The following LRFN5 variants were observed in gnomAD, a reference collection of about 807,000 sequenced individuals.
LRFN5 encodes the protein leucine-rich repeat and fibronectin type-III domain-containing protein 5.
A neutral mutation model predicts 45.6 loss-of-function variants in LRFN5; 24 were observed. That is an observed-to-expected ratio of 0.53 (90% CI 0.38 to 0.74). The LOEUF (loss-of-function observed/expected upper bound fraction) is 0.74. Ranked by LOEUF, LRFN5 falls within the 30% of genes least tolerant of loss-of-function variation. LRFN5 has a pLI of 0.00. For missense variants in LRFN5, 776 were observed against 861.5 expected, an observed-to-expected ratio of 0.90 and a Z score of 1.24; for synonymous variants, 340 against 313.8, an observed-to-expected ratio of 1.08 and a Z score of -0.88.
chr14:41,811,526 A>C (rs768001483), intron 2 of LRFN5, among the ~76,000 whole-genome samples: 5 of 152,132 alleles, frequency 3.3e-5, no homozygotes, highest in Non-Finnish European at 5.9e-5. Flanking sequence ...AACCCAGGGA[A>C]CTATCAACTG....
chr14:41,619,498 A>T (rs1888042363), intron 1 of LRFN5, among the ~76,000 whole-genome samples: 1 of 152,012 alleles, frequency 6.6e-6, no homozygotes. Flanking sequence ...TGTCATATTC[A>T]CTTAAATATT....
At chr14:41,879,092 T>C (rs1415313244) in intron 2 of LRFN5, among the ~76,000 whole-genome samples, 2 of 152,110 alleles carry the variant, frequency 1.3e-5, no homozygotes, top group Non-Finnish European at 2.9e-5. Flanking sequence ...CCAGATTTTA[T>C]TGTACACTTA....
At chr14:41,781,063 C>A (rs1886463646) in intron 2 of LRFN5, among the ~76,000 whole-genome samples, 1 of 152,114 alleles carries the variant, frequency 6.6e-6, no homozygotes, top group Non-Finnish European at 1.5e-5. Flanking sequence ...GTACTTCGAA[C>A]AACTAGCTAT....
At chr14:41,620,705 T>C (rs8013655) in intron 1 of LRFN5, among the ~76,000 whole-genome samples, 78,470 of 151,706 alleles carry the variant, frequency 0.52, 20,430 homozygotes, top group African/African-American at 0.56. Flanking sequence ...TCAAAATAAA[T>C]GGACAAATGA....
chr14:41,825,229 T>C (rs1363698275), intron 2 of LRFN5, among the ~76,000 whole-genome samples: 1 of 152,148 alleles, frequency 6.6e-6, no homozygotes, highest in South Asian at 2.1e-4. Context: ...AGACCTGGAA[T>C]GGCCATCCAC....
chr14:41,769,759 ACTAG>A (rs1325278987), intron 2 of LRFN5, among the ~76,000 whole-genome samples: 1 of 152,192 alleles, frequency 6.6e-6, no homozygotes, highest in Non-Finnish European at 1.5e-5. Context: ...AAGTGGCTTA[ACTAG>A]CTATCATAAT....
rs183867007 is a variant in LRFN5, at chr14:41,744,791, A to G, written c.-196-22063A>G. Among the ~76,000 whole-genome samples, 8 of 152,328 alleles carry G rather than the reference A, an allele frequency of 5.3e-5. No individual in the cohort carries two copies. In the East Asian group the frequency reaches 1.5e-3, roughly 29 times the overall value. ...ACTTTAAATTTATAAAGCTTACAAG[A>G]GACAAAGGCATTATTTATTAATAAA... On this transcript the variant is annotated intron_variant, in intron 1 of 5. Coordinates refer to ENST00000298119, the MANE Select transcript of LRFN5 (RefSeq NM_152447.5).
At chr14:41,667,711 A>T (rs1043439812) in intron 1 of LRFN5, among the ~76,000 whole-genome samples, 9 of 152,084 alleles carry the variant, frequency 5.9e-5, no homozygotes, top group Non-Finnish European at 1.2e-4. Flanking sequence ...ATTAGCCAGT[A>T]TCTGTTAATG....
At chr14:41,789,906 A>AT (rs34938582) in intron 2 of LRFN5, among the ~76,000 whole-genome samples, 82,689 of 151,568 alleles carry the variant, frequency 0.55, 23,235 homozygotes, top group East Asian at 0.91. Context: ...TTTATGAGTG[A>AT]TTTTCCTGTA....
intron 2 of LRFN5, among the ~76,000 whole-genome samples, chr14:41,876,277 C>CTTTTTTTTTTTTTT (rs34291427): frequency 7.0e-5 from 7 of 100,596 alleles, no homozygotes; most frequent in Non-Finnish European, 1.2e-4. Context: ...CTTTTTCTTT[C>CTTTTTTTTTTTTTT]TTTTTTTTTT....
At chr14:41,815,965 C>A (rs1566461305) in intron 2 of LRFN5, among the ~76,000 whole-genome samples, 1 of 151,970 alleles carries the variant, frequency 6.6e-6, no homozygotes, top group African/African-American at 2.4e-5. Flanking sequence ...TTATTATACT[C>A]TTTTAATTTC....
chr14:41,822,853 GTTTT>G (rs3032270), intron 2 of LRFN5, among the ~76,000 whole-genome samples: 19,605 of 136,264 alleles, frequency 0.14, 1,561 homozygotes, highest in Non-Finnish European at 0.19. Flanking sequence ...ATTTAGGGTT[GTTTT>G]TTTTTTTTTT....
chr14:41,646,290 C>A (rs1879816079), intron 1 of LRFN5, among the ~76,000 whole-genome samples: 1 of 152,150 alleles, frequency 6.6e-6, no homozygotes, highest in Non-Finnish European at 1.5e-5. Context: ...TATGTTTCAT[C>A]ATGTATATTT....
rs139679791 is a variant in LRFN5, at chr14:41,891,905, C to T, written c.2041C>T (p.Arg681Cys). 9.4e-5 allele frequency: 151 copies of T among 1,614,106 alleles called. No homozygotes were observed. The highest frequency in any genetic ancestry group is 1.2e-4 in the Non-Finnish European group (144 of 1,180,036). The change falls in exon 4 of 6, where the codon CGT (arginine) becomes TGT (cysteine). Residue 681 changes from arginine (R) to cysteine (C), a missense_variant. Transcript: ENST00000298119. ...NNSTALQLASRPPDSVTEGPT... is the reference protein window; with the variant it reads ...NNSTALQLASCPPDSVTEGPT... ...CTCAACTGCCTTGCAGTTAGCTAGC[C>T]GTCCTCCCGATTCTGTCACAGAGGG... is the stretch of plus-strand genomic sequence containing the variant.
At chr14:41,872,939 T>G (rs910020666) in intron 2 of LRFN5, among the ~76,000 whole-genome samples, 6 of 152,238 alleles carry the variant, frequency 3.9e-5, no homozygotes, top group Non-Finnish European at 7.3e-5. Flanking sequence ...TGATAGTTTA[T>G]TCTGTTTTTT....
At chr14:41,648,244 G>A (rs1052579503) in intron 1 of LRFN5, among the ~76,000 whole-genome samples, 1 of 151,958 alleles carries the variant, frequency 6.6e-6, no homozygotes, top group Admixed American at 6.6e-5. Flanking sequence ...TGTTCTTGAA[G>A]TGTTCAAGAA....
At chr14:41,794,527 T>C (rs539395997) in intron 2 of LRFN5, among the ~76,000 whole-genome samples, 4 of 152,130 alleles carry the variant, frequency 2.6e-5, no homozygotes, top group Admixed American at 2.0e-4. Context: ...TCTATTTAGC[T>C]CTCTCCTCAA....
intron 2 of LRFN5, among the ~76,000 whole-genome samples, chr14:41,847,813 C>T (rs1461024320): frequency 6.6e-6 from 1 of 151,910 alleles, no homozygotes; most frequent in Non-Finnish European, 1.5e-5. Context: ...TGTACATTTG[C>T]AATTAGATAA....
Position 41,781,580 on chromosome 14 carries a change from GAAAGAAAGAAAGAA to G in LRFN5, c.-21+14553_-21+14566del, listed in dbSNP as rs1566436971. Reference sequence around the variant, plus strand: ...AAAGAGAAAGAAAGAAAGAAAGAAAGAAAGAAAGAAAGAAAGAAAGAAAGAAAGAAAGAAAGAGA... The same window carrying G: ...AAAGAGAAAGAAAGAAAGAAAGAAAGAGAAAGAAAGAAAGAAAGAAAGAGA... On this transcript the variant is annotated intron_variant, in intron 2 of 5. Coordinates refer to ENST00000298119, the MANE Select transcript of LRFN5 (RefSeq NM_152447.5). Among the ~76,000 whole-genome samples the G allele has an allele frequency of 8.6e-5, 8 of 92,930 alleles. No individual in the cohort carries two copies. In the Admixed American group the frequency reaches 9.3e-4, roughly 11 times the overall value. The allele number at this position is 92,930 out of a possible 152,430, so 61.0% of individuals were successfully genotyped here.
Sources: allele counts gnomAD v4.1 joint callset (sites outside exome capture counted in the v4.1 genomes callset), GRCh38; gene constraint gnomAD v4.1.1; transcripts MANE v1.5; gene names NCBI Gene and HGNC (gene_info 2026-07-23, HGNC 2026-07-21).